Variants in MZT1 observed in about 807,000 individuals in gnomAD.
The protein encoded by MZT1 is mitotic-spindle organizing protein 1.
MZT1 carries 8 observed loss-of-function variants against 8.5 expected under a neutral mutation model. That is an observed-to-expected ratio of 0.94 (90% CI 0.55 to 1.70). The LOEUF (loss-of-function observed/expected upper bound fraction) is 1.70. Among genes scored for constraint, MZT1 ranks in the 40% most tolerant of loss-of-function variants. The pLI is 0.00. For synonymous variants in MZT1, 38 were observed against 42.0 expected (o/e 0.90, Z 0.37); for missense variants, 93 against 108.6 (o/e 0.86, Z 0.64).
intron 2 of MZT1, among the ~76,000 whole-genome samples, chr13:72,712,000 T>C (rs1382097232): frequency 6.6e-6 from 1 of 152,256 alleles, no homozygotes; most frequent in Non-Finnish European, 1.5e-5. Context: ...CCAAACATTA[T>C]TGCAGGCAAT....
Position 72,727,613 on chromosome 13 carries a change from G to C in MZT1, c.-11C>G. The C allele has an allele frequency of 6.3e-7, 1 of 1,584,166 alleles. No homozygotes were observed. The highest frequency in any genetic ancestry group is 8.6e-7 in the Non-Finnish European group (1 of 1,164,858). On this transcript the variant is annotated 5_prime_UTR_variant, in exon 1 of 3. Transcript: ENST00000377818. Reference sequence around the variant, plus strand: ...GCTGCTACTCGCCATGGCTAAGGCCGAGGGAGGCGGGAGAAGGGCCTGACC... The same window carrying C: ...GCTGCTACTCGCCATGGCTAAGGCCCAGGGAGGCGGGAGAAGGGCCTGACC...
chr13:72,719,230 C>T, intron 1 of MZT1, 133 bp from the exon 2 acceptor site: 1 of 629,120 alleles, frequency 1.6e-6, no homozygotes, highest in Non-Finnish European at 2.4e-6. Context: ...TTTTGGAAAT[C>T]TGCATGTAAT....
chr13:72,716,665 A>T (rs768089261), intron 2 of MZT1, among the ~76,000 whole-genome samples: 5 of 152,256 alleles, frequency 3.3e-5, no homozygotes, highest in Non-Finnish European at 7.3e-5. Flanking sequence ...AAGATGAACT[A>T]ACTTAAAGTT....
In MZT1 at chr13:72,727,551, G is replaced by T; in HGVS notation, c.52C>A (p.Leu18Met). 6.2e-7 allele frequency: 1 copy of T among 1,611,418 alleles called. No individual in the cohort carries two copies. Among genetic ancestry groups the T allele is most frequent in the Non-Finnish European group, 8.5e-7 (1 of 1,179,022 alleles). The change falls in exon 1 of 3, where the codon CTG becomes ATG. Residue 18 changes from leucine (L) to methionine (M), a missense_variant. Coordinates refer to ENST00000377818, the MANE Select transcript of MZT1 (RefSeq NM_001071775.3). Reference sequence around the variant, plus strand: ...TCCATGGTCTCCCGCACCGCATTCAGATTCGCCGCCGCGGCCGCCGCCGCC... The same window carrying T: ...TCCATGGTCTCCCGCACCGCATTCATATTCGCCGCCGCGGCCGCCGCCGCC... Reference protein sequence around the residue: ...GAAAAAAAANLNAVRETMDVL... With the variant: ...GAAAAAAAANMNAVRETMDVL...
intron 2 of MZT1, among the ~76,000 whole-genome samples, chr13:72,716,921 C>T (rs1422133752): frequency 6.6e-6 from 1 of 152,200 alleles, no homozygotes; most frequent in Admixed American, 6.5e-5. Context: ...CACATGGGCC[C>T]TCAGCTGAGC....
chr13:72,725,427 C>T (rs1566215110), intron 1 of MZT1, among the ~76,000 whole-genome samples: 2 of 152,160 alleles, frequency 1.3e-5, no homozygotes, highest in African/African-American at 4.8e-5. Flanking sequence ...TAACAAAATC[C>T]TTTCATTTCA....
At chr13:72,717,973 C>A (rs536565242) in intron 2 of MZT1, among the ~76,000 whole-genome samples, 1 of 152,314 alleles carries the variant, frequency 6.6e-6, no homozygotes, top group African/African-American at 2.4e-5. Flanking sequence ...GTATTTGTTA[C>A]AGCAACACCC....
intron 2 of MZT1, among the ~76,000 whole-genome samples, chr13:72,713,513 T>C (rs2032507324): frequency 6.6e-6 from 1 of 152,238 alleles, no homozygotes; most frequent in African/African-American, 2.4e-5. Context: ...GGATTCGTTG[T>C]GATACCTAAC....
At chr13:72,727,144 G>A (rs2032676550) in intron 1 of MZT1, among the ~76,000 whole-genome samples, 1 of 152,254 alleles carries the variant, frequency 6.6e-6, no homozygotes, top group African/African-American at 2.4e-5. Context: ...CGGGAATCGG[G>A]TGGGACGCGG....
rs2138004048 is a variant in MZT1, at chr13:72,710,009, T to C, written c.*313A>G. Reference sequence around the variant, plus strand: ...ACCTGGCACAGCAGATGTGCACATCTGATAGACAGACTGCTTAGAAAATTA... The same window carrying C: ...ACCTGGCACAGCAGATGTGCACATCCGATAGACAGACTGCTTAGAAAATTA... On this transcript the variant is annotated 3_prime_UTR_variant, in exon 3 of 3. Coordinates refer to ENST00000377818, the MANE Select transcript of MZT1 (RefSeq NM_001071775.3). 1 of 335,610 alleles carries C rather than the reference T, an allele frequency of 3.0e-6. No individual in the cohort carries two copies. The highest frequency in any genetic ancestry group is 6.3e-5 in the East Asian group (1 of 15,952). 20.8% of individuals were successfully genotyped at this position (335,610 alleles called of 1,614,324 possible).
intron 1 of MZT1, among the ~76,000 whole-genome samples, 185 bp downstream of exon 1, chr13:72,727,339 G>A (rs529420401): frequency 6.6e-6 from 1 of 152,352 alleles, no homozygotes; most frequent in Non-Finnish European, 1.5e-5. Flanking sequence ...ACTACGCAGC[G>A]GCGGAGACAA....
intron 2 of MZT1, among the ~76,000 whole-genome samples, chr13:72,711,534 G>A (rs1359795583): frequency 6.6e-6 from 1 of 151,956 alleles, no homozygotes; most frequent in Non-Finnish European, 1.5e-5. Context: ...CAGACCAACA[G>A]TTTTTTGCAA....
At chr13:72,715,043 A>G (rs1429796019) in intron 2 of MZT1, among the ~76,000 whole-genome samples, 1 of 152,226 alleles carries the variant, frequency 6.6e-6, no homozygotes, top group Non-Finnish European at 1.5e-5. Context: ...GAGCCTTGAA[A>G]AGCTGCAGAC....
chr13:72,723,070 TTTCAGTTGATTCTCTCCC>T (rs1471758335), intron 1 of MZT1, among the ~76,000 whole-genome samples: 1 of 152,168 alleles, frequency 6.6e-6, no homozygotes, highest in Non-Finnish European at 1.5e-5. Context: ...TCTAACAGTT[TTTCAGTTGATTCTCTCCC>T]TTCTCTCTCC....
chr13:72,713,007 G>A (rs2032502917), intron 2 of MZT1, among the ~76,000 whole-genome samples: 1 of 152,100 alleles, frequency 6.6e-6, no homozygotes. Flanking sequence ...TTAAGTCAGG[G>A]AATGTGCCCA....
chr13:72,714,791 G>A (rs1399166282), intron 2 of MZT1, among the ~76,000 whole-genome samples: 1 of 152,228 alleles, frequency 6.6e-6, no homozygotes, highest in African/African-American at 2.4e-5. Context: ...TACAATGGCT[G>A]AGGCTTGGCA....
intron 2 of MZT1, among the ~76,000 whole-genome samples, chr13:72,718,730 C>G (rs908145382): frequency 6.6e-6 from 1 of 152,060 alleles, no homozygotes. Flanking sequence ...CCGCCCAACT[C>G]AGCCTCCCAA....
chr13:72,723,804 A>C (rs1438567882), intron 1 of MZT1, among the ~76,000 whole-genome samples: 3 of 151,966 alleles, frequency 2.0e-5, no homozygotes, highest in Non-Finnish European at 4.4e-5. Context: ...TTAGTCCAGG[A>C]GGAGAGATAG....
In MZT1 at chr13:72,727,016, C is replaced by A. The variant is rs930683124; in HGVS notation, c.79+508G>T. Among the ~76,000 whole-genome samples the A allele has an allele frequency of 8.5e-5, 13 of 152,324 alleles. No individual in the cohort carries two copies. In the South Asian group the frequency reaches 1.2e-3, roughly 15 times the overall value. ...ATGACCAAAGGGGAACTTGTTCATTCGCCGGATATTAAAGGTGCCTACTTA... is the reference window on the plus strand; with the variant it reads ...ATGACCAAAGGGGAACTTGTTCATTAGCCGGATATTAAAGGTGCCTACTTA... On this transcript the variant is annotated intron_variant, in intron 1 of 2. Coordinates refer to ENST00000377818, the MANE Select transcript of MZT1 (RefSeq NM_001071775.3).
Sources: gnomAD v4.1 joint callset for allele counts (sites outside exome capture counted in the v4.1 genomes callset) on GRCh38, gnomAD v4.1.1 for gene constraint, MANE v1.5 for transcripts, NCBI Gene and HGNC (gene_info 2026-07-23, HGNC 2026-07-21) for gene names.